The following MYH7 variants were observed in gnomAD, a reference collection of about 807,000 sequenced individuals.
MYH7 encodes myosin heavy chain 7.
Under a neutral mutation model 225.4 loss-of-function variants are expected in MYH7, and 129 were observed. That is an observed-to-expected ratio of 0.57 (90% CI 0.50 to 0.66). The LOEUF (loss-of-function observed/expected upper bound fraction) is 0.66. Among genes scored for constraint, MYH7 ranks in the 30% least tolerant of loss-of-function variants. The probability of loss-of-function intolerance (pLI) is 0.00; values close to 1 mark genes in which losing one functional copy is unlikely to be tolerated. For missense variants in MYH7, 1,649 were observed against 2,517.0 expected, an observed-to-expected ratio of 0.66 and a Z score of 7.38; for synonymous variants, 971 against 1,007.6, an observed-to-expected ratio of 0.96 and a Z score of 0.69.
chr14:23,419,263 C>T lies in MYH7; in HGVS notation c.3886G>A (p.Ala1296Thr), dbSNP rs1206951641. The T allele has an allele frequency of 1.2e-6, 2 of 1,614,058 alleles. No homozygotes were observed. The highest frequency in any genetic ancestry group is 1.7e-6 in the Non-Finnish European group (2 of 1,180,048). Residue 1296 changes from alanine to threonine, a missense_variant, in exon 29 of 40, where the codon GCA (alanine) becomes ACA (threonine). Ala to Thr is a moderately conservative substitution (Grantham distance 58). This residue lies in a region of MYH7 where 687 missense variants were observed against 913.8 expected (regional missense o/e 0.75). Coordinates refer to ENST00000355349, the MANE Select transcript of MYH7 (RefSeq NM_000257.4). The stretch of plus-strand genomic sequence containing the variant: ...CCTCGGGTCAGCTGGGAGATCAGTG[C>T]CTCCTTCTCATCCAGCTGCCGGGAC... ...ELSRQLDEKE[A>T]LISQLTRGKL...
At chr14:23,427,198 G>A (rs1218123529) in intron 17 of MYH7, 42 bp downstream of exon 17, 1 of 1,604,106 alleles carries the variant, frequency 6.2e-7, no homozygotes, top group Non-Finnish European at 8.5e-7. Flanking sequence ...GTGGGGTTGG[G>A]CAGATGGGGA....
At chr14:23,417,100 A>G (rs1892247077) in intron 32 of MYH7, 53 bp downstream of exon 32, 1 of 1,613,902 alleles carries the variant, frequency 6.2e-7, no homozygotes, top group South Asian at 1.1e-5. Flanking sequence ...GTGGCACCAT[A>G]TGGGAACACT....
intron 1 of MYH7, among the ~76,000 whole-genome samples, chr14:23,434,891 G>A (rs1893083527): frequency 1.3e-5 from 2 of 152,014 alleles, no homozygotes; most frequent in Admixed American, 1.3e-4. Flanking sequence ...CCTGCTGCTT[G>A]GGCATGCCTC....
intron 6 of MYH7, 43 bp downstream of exon 6, chr14:23,432,436 T>C (rs370592439): frequency 1.6e-5 from 25 of 1,612,638 alleles, no homozygotes; most frequent in Non-Finnish European, 2.0e-5. Context: ...GAGGCTGGGA[T>C]CAGGGAGATT....
At position 23,415,442 on chromosome 14, in the gene MYH7, A is replaced by G. The variant is rs531250955; in HGVS notation, c.5222T>C (p.Val1741Ala). ...DADLSQLQTE[V>A]EEAVQECRNA... ...CCTGCACTCCTGCACTGCCTCCTCC[A>G]CTTCAGTCTGGAGCTGGGACAGGTC... The change falls in exon 36 of 40, where the codon GTG becomes GCG. Residue 1741 changes from valine to alanine, a missense_variant. Physicochemically the swap from Val to Ala is moderately conservative, Grantham distance 64. Transcript: ENST00000355349. The surrounding 1 kb of genome is among the most constrained non-coding windows in gnomAD (Gnocchi z 6.3). 6.2e-7 allele frequency: 1 copy of G among 1,613,846 alleles called. No homozygotes were observed. Among genetic ancestry groups the G allele is most frequent in the African/African-American group, 1.3e-5 (1 of 74,924 alleles).
intron 18 of MYH7, 149 bp downstream of exon 18, chr14:23,426,628 G>A: frequency 1.4e-6 from 1 of 734,930 alleles, no homozygotes; most frequent in East Asian, 2.7e-5. Context: ...CGCTGAGAGG[G>A]AGGTACCCTG....
At position 23,429,210 on chromosome 14, in the gene MYH7, C is replaced by G; in HGVS notation, c.1257+19G>C. 6.2e-7 allele frequency: 1 copy of G among 1,606,506 alleles called. No individual in the cohort carries two copies. The highest frequency in any genetic ancestry group is 1.1e-5 in the South Asian group (1 of 90,950). On this transcript the variant is annotated intron_variant, in intron 13 of 39. Transcript: ENST00000355349. Reference sequence around the variant, plus strand: ...TCTCCCTACCCTGCCCACCCATTATCATCTGAAGATGGACCCACCTGCTGG... The same window carrying G: ...TCTCCCTACCCTGCCCACCCATTATGATCTGAAGATGGACCCACCTGCTGG...
In MYH7 at chr14:23,425,963, C is replaced by T. The variant is rs752554104; in HGVS notation, c.2162+1G>A. On this transcript the variant is annotated splice_donor_variant, in intron 19 of 39. Coordinates refer to ENST00000355349, the MANE Select transcript of MYH7 (RefSeq NM_000257.4). LOFTEE classifies it high-confidence loss of function. The surrounding 1 kb of genome is among the most constrained non-coding windows in gnomAD (Gnocchi z 4.6). ...GAGCTCTGGTGCACCCTCATACCCA[C>T]CTCTGCCGGAAGTCCCCGTAGAGGA... is the stretch of plus-strand genomic sequence containing the variant. 5.0e-6 allele frequency: 8 copies of T among 1,613,684 alleles called. No individual in the cohort carries two copies. Among genetic ancestry groups the T allele is most frequent in the Non-Finnish European group, 5.9e-6 (7 of 1,180,040 alleles).
At chr14:23,430,029 C>T in intron 11 of MYH7, 116 bp from the exon 12 acceptor site, 3 of 1,255,716 alleles carry the variant, frequency 2.4e-6, no homozygotes, top group South Asian at 2.5e-5. Context: ...TTCTGAGACT[C>T]CCATACCCAG....
rs540114537 is a variant in MYH7, at chr14:23,428,381, C to T, written c.1578+119G>A. ...AACATAGGCTCTGGAACCAAGGGCT[C>T]GGATCCTTCAGCCCCTTCTATTTTT... On this transcript the variant is annotated intron_variant, in intron 15 of 39. Transcript: ENST00000355349. The T allele has an allele frequency of 1.6e-3, 2,491 of 1,516,236 alleles. 3 individuals are homozygous for T. Among genetic ancestry groups the T allele is most frequent in the Non-Finnish European group, 1.9e-3 (2,052 of 1,101,668 alleles). 93.9% of individuals were successfully genotyped at this position (1,516,236 alleles called of 1,614,324 possible). A position where few individuals can be genotyped will look rare whatever the true frequency, so the allele number is the denominator to read the frequency against.
chr14:23,432,776 C>T lies in MYH7; in HGVS notation c.365G>A (p.Cys122Tyr), dbSNP rs1893001688. The change falls in exon 5 of 40, where the codon TGT becomes TAT. Residue 122 changes from cysteine to tyrosine, a missense_variant. Coordinates refer to ENST00000355349, the MANE Select transcript of MYH7 (RefSeq NM_000257.4). ...WMIYTYSGLF[C>Y]VTVNPYKWLP... ...CCACTTGTAAGGGTTGACGGTGACA[C>T]AGAAGAGGCCCGAGTAGGTCTGGGG... 2 of 1,614,096 alleles carry T rather than the reference C, an allele frequency of 1.2e-6. No individual in the cohort carries two copies. The highest frequency in any genetic ancestry group is 1.7e-6 in the Non-Finnish European group (2 of 1,180,026).
rs2138635453 is a variant in MYH7, at chr14:23,413,887, G to A, written c.5662C>T (p.Gln1888Ter). ...YKRQAEEAEE[Q>*]ANTNLSKFRK... Reference sequence around the variant, plus strand: ...AACTTGGACAGGTTGGTGTTGGCTTGCTCCTCCTGCGGGAGGTGGGAGCAT... The same window carrying A: ...AACTTGGACAGGTTGGTGTTGGCTTACTCCTCCTGCGGGAGGTGGGAGCAT... Residue 1888 changes from glutamine (Q) to a stop codon, truncating the protein, a stop_gained, in exon 39 of 40, where the codon CAA becomes TAA. Coordinates refer to ENST00000355349, the MANE Select transcript of MYH7 (RefSeq NM_000257.4). LOFTEE classifies it high-confidence loss of function. 1 of 1,614,270 alleles carries A rather than the reference G, an allele frequency of 6.2e-7. No homozygotes were observed. Among genetic ancestry groups the A allele is most frequent in the South Asian group, 1.1e-5 (1 of 91,090 alleles).
intron 24 of MYH7, among the ~76,000 whole-genome samples, chr14:23,423,302 A>T (rs1374110536): frequency 6.6e-6 from 1 of 152,170 alleles, no homozygotes; most frequent in Non-Finnish European, 1.5e-5. Context: ...TCTATTATTG[A>T]TCATACCAGT....
rs765948561 is a variant in MYH7, at chr14:23,424,790, G to A, written c.2658C>T (p.Asp886=). The A allele has an allele frequency of 3.1e-6, 5 of 1,614,060 alleles. No homozygotes were observed. In the East Asian group the frequency reaches 6.7e-5, roughly 22 times the overall value. The change falls in exon 22 of 40, where the codon GAC becomes GAT. Residue 886 remains aspartate, a synonymous_variant. Coordinates refer to ENST00000355349, the MANE Select transcript of MYH7 (RefSeq NM_000257.4). Reference sequence around the variant, plus strand: ...TCACCGCCTGCACTTGGAGCTGCAGGTCATTCTTCTCCTGCAGCAGGGACA... The same window carrying A: ...TCACCGCCTGCACTTGGAGCTGCAGATCATTCTTCTCCTGCAGCAGGGACA... The part of the protein sequence containing the change: ...KMVSLLQEKN[D]LQLQVQAEQD...
chr14:23,431,533 G>A (rs1262145792), intron 8 of MYH7, 52 bp from the exon 9 acceptor site: 1 of 1,613,660 alleles, frequency 6.2e-7, no homozygotes, highest in Non-Finnish European at 8.5e-7. Flanking sequence ...TCATATCTGA[G>A]ACCATTCCTC....
In MYH7 at chr14:23,424,808, C is replaced by G. The variant is rs753565218; in HGVS notation, c.2640G>C (p.Leu880=). The G allele has an allele frequency of 1.4e-5, 22 of 1,614,186 alleles. No individual in the cohort carries two copies. The highest frequency in any genetic ancestry group is 1.8e-5 in the Non-Finnish European group (21 of 1,180,030). ...GCTGCAGGTCATTCTTCTCCTGCAG[C>G]AGGGACACCATCTTCTCCTCCAGCT... ...RKELEEKMVS[L]LQEKNDLQLQ... Residue 880 remains leucine, a synonymous_variant, in exon 22 of 40, where the codon CTG becomes CTC. Coordinates refer to ENST00000355349, the MANE Select transcript of MYH7 (RefSeq NM_000257.4).
intron 6 of MYH7, 138 bp downstream of exon 6, chr14:23,432,341 G>C: frequency 9.6e-7 from 1 of 1,046,514 alleles, no homozygotes; most frequent in Non-Finnish European, 1.5e-6. Flanking sequence ...TCAGGGTAAT[G>C]GTCAGAGAAG....
At position 23,425,585 on chromosome 14, in the gene MYH7, G is replaced by A. The variant is rs1290840109; in HGVS notation, c.2286+110C>T. 1.3e-6 allele frequency: 2 copies of A among 1,590,348 alleles called. No individual in the cohort carries two copies. Among genetic ancestry groups the A allele is most frequent in the East Asian group, 4.5e-5 (2 of 44,770 alleles). On this transcript the variant is annotated intron_variant, in intron 20 of 39. Coordinates refer to ENST00000355349, the MANE Select transcript of MYH7 (RefSeq NM_000257.4). This position sits in a 1 kb window ranked among gnomAD's most constrained non-coding sequence, Gnocchi z 4.6. ...TGGTGCTAGATGTTCCACTGGGAGG[G>A]GTAGCATACAGGTAAGAGATTTTGC...
rs1892329797 is a variant in MYH7 at position 23,418,514 on chromosome 14, A to G, written c.3973-108T>C. 15 of 1,315,112 alleles carry G rather than the reference A, an allele frequency of 1.1e-5. No individual in the cohort carries two copies. In the South Asian group the frequency reaches 1.9e-4, roughly 17 times the overall value. The allele number at this position is 1,315,112 out of a possible 1,614,324, so 81.5% of individuals were successfully genotyped here. A position where few individuals can be genotyped will look rare whatever the true frequency, so the allele number is the denominator to read the frequency against. On this transcript the variant is annotated intron_variant, in intron 29 of 39. Transcript: ENST00000355349. ...TCAACATCATCCCTTGGCCTCATCT[A>G]TGTCCAAACCCCCAGTGGACCTGTC... is the stretch of plus-strand genomic sequence containing the variant.
Sources: gnomAD v4.1 joint callset for allele counts (sites outside exome capture counted in the v4.1 genomes callset) on GRCh38, gnomAD v4.1.1 for gene constraint, gnomAD v4.1.1 regional missense constraint, Gnocchi (gnomAD v3.1) non-coding constraint, MANE v1.5 for transcripts, NCBI Gene and HGNC (gene_info 2026-07-23, HGNC 2026-07-21) for gene names.